The following EPHB1 variants were observed in gnomAD, a reference collection of about 807,000 sequenced individuals.
EPHB1 encodes ephrin type-B receptor 1.
EPHB1 carries 30 observed loss-of-function variants against 94.4 expected under a neutral mutation model. That is an observed-to-expected ratio of 0.32 (90% confidence interval 0.24 to 0.43). The LOEUF is 0.43. Ranked by LOEUF, EPHB1 falls within the 20% of genes least tolerant of loss-of-function variation. The pLI, the probability that EPHB1 is intolerant of heterozygous loss-of-function variation, is 1.00. For synonymous variants in EPHB1, 522 were observed against 489.1 expected (o/e 1.07, Z -0.89); for missense variants, 1,055 against 1,308.3 (o/e 0.81, Z 2.99).
chr3:135,117,791 C>T (rs569244198), intron 4 of EPHB1, among the ~76,000 whole-genome samples: 1 of 152,356 alleles, frequency 6.6e-6, no homozygotes, highest in South Asian at 2.1e-4. Flanking sequence ...CTCTGAGTCA[C>T]CTCAGAGGTT....
chr3:135,031,932 T>C (rs1936486754), intron 3 of EPHB1, among the ~76,000 whole-genome samples: 1 of 152,102 alleles, frequency 6.6e-6, no homozygotes, highest in Admixed American at 6.5e-5. Flanking sequence ...TTCTTCTGCT[T>C]GTCAGTGCTG....
At position 135,192,778 on chromosome 3, in the gene EPHB1, C is replaced by T. The variant is rs941921522; in HGVS notation, c.2085C>T (p.Ile695=). 1.9e-6 allele frequency: 3 copies of T among 1,614,048 alleles called. No individual in the cohort carries two copies. The Admixed American group carries it at 5.0e-5, about 27-fold the overall frequency. The change falls in exon 11 of 16, where the codon ATC becomes ATT. Residue 695 remains isoleucine, a synonymous_variant. Transcript: ENST00000398015. ...GVVTKSRPVM[I]ITEFMENGAL... is the part of the protein sequence containing the mutation. ...TCACCAAGAGTCGGCCTGTCATGAT[C>T]ATCACAGAGTTCATGGAGAATGGTG...
At chr3:135,029,618 T>G (rs1936342470) in intron 3 of EPHB1, among the ~76,000 whole-genome samples, 1 of 150,212 alleles carries the variant, frequency 6.7e-6, no homozygotes, top group South Asian at 2.2e-4. Context: ...GGCTTCCCTT[T>G]GAGGGTAACC....
chr3:135,240,032 A>AACC (rs1431982715), intron 12 of EPHB1, among the ~76,000 whole-genome samples: 1 of 152,146 alleles, frequency 6.6e-6, no homozygotes, highest in African/African-American at 2.4e-5. Flanking sequence ...AGGAGTTCTT[A>AACC]ACCACCACCA....
rs187567658 is a variant in EPHB1 at position 134,811,366 on chromosome 3, G to C, written c.58+15677G>C. Reference sequence around the variant, plus strand: ...CAATCCTCCGGCTTCAGCCTCCCGAGTAGCTGGAATTATAGGCGAGCACCA... The same window carrying C: ...CAATCCTCCGGCTTCAGCCTCCCGACTAGCTGGAATTATAGGCGAGCACCA... On this transcript the variant is annotated intron_variant, in intron 1 of 15. Coordinates refer to ENST00000398015, the MANE Select transcript of EPHB1 (RefSeq NM_004441.5). 2.0e-5 allele frequency among the ~76,000 whole-genome samples: 3 copies of C among 148,060 alleles called. No individual in the cohort carries two copies. In the Admixed American group the frequency reaches 2.1e-4, roughly 10 times the overall value.
At chr3:134,879,694 T>C (rs1296906409) in intron 1 of EPHB1, among the ~76,000 whole-genome samples, 1 of 151,904 alleles carries the variant, frequency 6.6e-6, no homozygotes. Flanking sequence ...TGGAGGAAAT[T>C]GGTCCTGGCA....
intron 3 of EPHB1, among the ~76,000 whole-genome samples, chr3:135,050,232 G>C (rs532577571): frequency 4.2e-4 from 64 of 152,260 alleles, no homozygotes; most frequent in African/African-American, 1.5e-3. Flanking sequence ...TGCTTTATTT[G>C]ATGACTTTAG....
chr3:135,233,499 C>T (rs1943580445), intron 12 of EPHB1, among the ~76,000 whole-genome samples: 2 of 152,252 alleles, frequency 1.3e-5, no homozygotes, highest in Non-Finnish European at 2.9e-5. Flanking sequence ...TGGCTACTTC[C>T]ACAGGCTGGC....
intron 3 of EPHB1, among the ~76,000 whole-genome samples, chr3:135,084,213 T>C (rs1938262396): frequency 1.3e-5 from 2 of 152,130 alleles, no homozygotes; most frequent in African/African-American, 4.8e-5. Context: ...GTTGGTATCA[T>C]TATTGATGGA....
intron 3 of EPHB1, among the ~76,000 whole-genome samples, chr3:135,018,003 G>A (rs998391993): frequency 4.6e-5 from 7 of 152,058 alleles, no homozygotes; most frequent in Non-Finnish European, 8.8e-5. Context: ...TGGACTGTGA[G>A]GGGGGGCATG....
At chr3:135,167,054 G>A (rs1941670831) in intron 9 of EPHB1, 48 bp downstream of exon 9, 1 of 1,596,404 alleles carries the variant, frequency 6.3e-7, no homozygotes, top group East Asian at 2.2e-5. Flanking sequence ...AGGCCACTGA[G>A]TCAAGTGGGC....
At chr3:135,029,217 A>T (rs2107759009) in intron 3 of EPHB1, among the ~76,000 whole-genome samples, 1 of 125,544 alleles carries the variant, frequency 8.0e-6, no homozygotes. Flanking sequence ...CATTTAGTCC[A>T]TTTACATTTA....
intron 5 of EPHB1, among the ~76,000 whole-genome samples, chr3:135,136,179 C>T (rs1316792489): frequency 6.6e-6 from 1 of 152,122 alleles, no homozygotes; most frequent in Non-Finnish European, 1.5e-5. Flanking sequence ...CTTCTTGATT[C>T]CAAGAGCTGT....
chr3:134,824,128 T>C (rs2036432371), intron 1 of EPHB1, among the ~76,000 whole-genome samples: 1 of 91,718 alleles, frequency 1.1e-5, no homozygotes, highest in South Asian at 3.4e-4. Context: ...TAATGCCCTT[T>C]TTTTTTTTTT....
At chr3:134,838,626 C>T (rs1485611435) in intron 1 of EPHB1, among the ~76,000 whole-genome samples, 1 of 147,230 alleles carries the variant, frequency 6.8e-6, no homozygotes, top group Admixed American at 6.7e-5. Context: ...TGCTTAGCAC[C>T]CTTCTCTTAA....
intron 12 of EPHB1, among the ~76,000 whole-genome samples, chr3:135,235,002 C>T (rs1943615318): frequency 6.6e-6 from 1 of 151,288 alleles, no homozygotes; most frequent in African/African-American, 2.4e-5. Context: ...ACACAAATAC[C>T]CCTCTTCTCT....
chr3:134,875,019 C>T (rs147651097), intron 1 of EPHB1, among the ~76,000 whole-genome samples: 3 of 152,252 alleles, frequency 2.0e-5, no homozygotes, highest in Admixed American at 6.5e-5. Context: ...GTAGCCAGTG[C>T]GTAAGGCTTT....
intron 4 of EPHB1, among the ~76,000 whole-genome samples, chr3:135,114,332 G>C (rs982731904): frequency 6.6e-6 from 1 of 151,926 alleles, no homozygotes; most frequent in Non-Finnish European, 1.5e-5. Context: ...AAGCTTTTCT[G>C]TCTTCATTTC....
chr3:134,927,189 C>A (rs761785603), intron 2 of EPHB1, among the ~76,000 whole-genome samples: 72 of 152,340 alleles, frequency 4.7e-4, no homozygotes, highest in Non-Finnish European at 8.2e-4. Flanking sequence ...CACATCATCA[C>A]CATGCCCTGG....
Sources: gnomAD v4.1 joint callset for allele counts (sites outside exome capture counted in the v4.1 genomes callset) on GRCh38, gnomAD v4.1.1 for gene constraint, MANE v1.5 for transcripts, NCBI Gene and HGNC (gene_info 2026-07-23, HGNC 2026-07-21) for gene names.